Variants in KCNQ1 observed in about 807,000 individuals in gnomAD.
The protein encoded by KCNQ1 is potassium voltage-gated channel subfamily KQT member 1.
Under a neutral mutation model 72.4 loss-of-function variants are expected in KCNQ1, and 49 were observed. The observed-to-expected ratio is 0.68, with a 90% CI of 0.54 to 0.86. The LOEUF (loss-of-function observed/expected upper bound fraction) is 0.86. Among genes scored for constraint, KCNQ1 ranks in the 40% least tolerant of loss-of-function variants. KCNQ1 has a pLI of 0.00. For synonymous variants in KCNQ1, 450 were observed against 412.6 expected, an observed-to-expected ratio of 1.09 and a Z score of -1.10; for missense variants, 790 against 945.1, an observed-to-expected ratio of 0.84 and a Z score of 2.15.
At chr11:2,719,480 A>AAAAC (rs575635118) in intron 11 of KCNQ1, among the ~76,000 whole-genome samples, 15 of 151,880 alleles carry the variant, frequency 9.9e-5, no homozygotes, top group African/African-American at 3.4e-4. Flanking sequence ...CAGGCACTCA[A>AAAAC]AAACAAACAA....
chr11:2,729,529 G>A (rs1296308922), intron 11 of KCNQ1, among the ~76,000 whole-genome samples: 1 of 152,250 alleles, frequency 6.6e-6, no homozygotes, highest in Admixed American at 6.5e-5. Flanking sequence ...TGCATCCATG[G>A]ATTCAACCAA....
chr11:2,632,892 A>G (rs558470427), intron 10 of KCNQ1: 1 of 398,490 alleles, frequency 2.5e-6, no homozygotes, highest in Non-Finnish European at 4.4e-6. Flanking sequence ...GAATGCAAAT[A>G]TCTTTTTTAT....
In KCNQ1 at chr11:2,787,294, G is replaced by A. The variant is rs117059217; in HGVS notation, c.1794+9257G>A. On this transcript the variant is annotated intron_variant, in intron 15 of 15. Transcript: ENST00000155840. The surrounding 1 kb of genome is among the most constrained non-coding windows in gnomAD (Gnocchi z 6.3). ...CATTGGCCCTCACAATGAAAGCAGAGCCCTTTGAGGGTCCCAGCTTTGTGT... is the reference window on the plus strand; with the variant it reads ...CATTGGCCCTCACAATGAAAGCAGAACCCTTTGAGGGTCCCAGCTTTGTGT... Among the ~76,000 whole-genome samples, 2,558 of 152,256 alleles carry A rather than the reference G, an allele frequency of 0.017. 49 individuals are homozygous for A. The highest frequency in any genetic ancestry group is 0.037 in the Middle Eastern group (11 of 294).
intron 10 of KCNQ1, chr11:2,625,039 A>C (rs1351949188): frequency 2.5e-6 from 1 of 398,520 alleles, no homozygotes; most frequent in African/African-American, 2.1e-5. Flanking sequence ...ATGCCACTAC[A>C]ATCGTGGGTA....
rs979636348 is a variant in KCNQ1 at position 2,559,616 on chromosome 11, T to C, written c.478-11012T>C. ...CCCCATGACGACCCAGCAAGTCCCT[T>C]GCCTCTCTCGCTCACCAGGAAGAAG... On this transcript the variant is annotated intron_variant, in intron 2 of 15. Transcript: ENST00000155840. This position sits in a 1 kb window ranked among gnomAD's most constrained non-coding sequence, Gnocchi z 4.9. 2.6e-5 allele frequency among the ~76,000 whole-genome samples: 4 copies of C among 152,166 alleles called. No homozygotes were observed. The East Asian group carries it at 7.7e-4, about 29-fold the overall frequency.
intron 6 of KCNQ1, among the ~76,000 whole-genome samples, chr11:2,581,703 C>T (rs189469417): frequency 6.7e-4 from 102 of 152,368 alleles, no homozygotes; most frequent in African/African-American, 2.4e-3. Context: ...GTGCGTGTGC[C>T]GGGTCGTGTG....
chr11:2,829,998 G>GGGAGGAGGAAGGAGGAGGAA (rs1243212573), intron 15 of KCNQ1, among the ~76,000 whole-genome samples: 1 of 129,124 alleles, frequency 7.7e-6, no homozygotes, highest in Non-Finnish European at 1.6e-5. Flanking sequence ...GGAAGGAAGA[G>GGGAGGAGGAAGGAGGAGGAA]GGAGGAGGAA....
rs990925753 is a variant in KCNQ1 at position 2,734,138 on chromosome 11, C to T, written c.1515-34706C>T. On this transcript the variant is annotated intron_variant, in intron 11 of 15. Coordinates refer to ENST00000155840, the MANE Select transcript of KCNQ1 (RefSeq NM_000218.3). The surrounding 1 kb of genome is among the most constrained non-coding windows in gnomAD (Gnocchi z 7.0). ...AGCACTGGCAGGGGTGGTCCTGCTC[C>T]GGCCCCAGGGCCCGCAGGTGTGTGT... 5.3e-5 allele frequency among the ~76,000 whole-genome samples: 8 copies of T among 152,162 alleles called. No homozygotes were observed. The highest frequency in any genetic ancestry group is 8.8e-5 in the Non-Finnish European group (6 of 68,036).
chr11:2,569,522 T>C (rs1848295340), intron 2 of KCNQ1, among the ~76,000 whole-genome samples: 1 of 152,146 alleles, frequency 6.6e-6, no homozygotes, highest in Non-Finnish European at 1.5e-5. Context: ...GGGCCCGGCT[T>C]CTGAGGGAGG....
intron 10 of KCNQ1, chr11:2,649,505 A>G: frequency 2.5e-6 from 1 of 398,418 alleles, no homozygotes; most frequent in Non-Finnish European, 4.4e-6. Context: ...TGCTTGTCTG[A>G]GGGAGGCAAA....
chr11:2,708,765 C>T (rs541102728), intron 11 of KCNQ1, among the ~76,000 whole-genome samples: 21 of 152,232 alleles, frequency 1.4e-4, no homozygotes, highest in Non-Finnish European at 2.9e-4. Context: ...GGCCAATGGC[C>T]AGGGCTAAAG....
intron 10 of KCNQ1, chr11:2,655,316 C>T: frequency 2.5e-6 from 1 of 398,622 alleles, no homozygotes; most frequent in Non-Finnish European, 4.4e-6. Flanking sequence ...AGATCCTGGC[C>T]TTGACAAAGC....
chr11:2,789,046 C>T (rs149145), intron 15 of KCNQ1, among the ~76,000 whole-genome samples: 22,752 of 152,066 alleles, frequency 0.15, 1,756 homozygotes, highest in African/African-American at 0.17. Flanking sequence ...ACCGAGGCCC[C>T]GTACCCTCCC....
intron 15 of KCNQ1, among the ~76,000 whole-genome samples, chr11:2,789,913 A>C (rs1846985808): frequency 6.6e-6 from 1 of 151,988 alleles, no homozygotes. Context: ...CCCAATCCTA[A>C]CATCCTGTGA....
chr11:2,577,533 C>T (rs577258788), intron 6 of KCNQ1, among the ~76,000 whole-genome samples: 162 of 152,312 alleles, frequency 1.1e-3, no homozygotes, highest in African/African-American at 3.3e-3. Context: ...CTCCGGGCTT[C>T]GTGAGTGAGG....
intron 11 of KCNQ1, among the ~76,000 whole-genome samples, chr11:2,743,087 T>A (rs550604993): frequency 6.6e-6 from 1 of 152,304 alleles, no homozygotes; most frequent in South Asian, 2.1e-4. Context: ...CTGAGCAGGC[T>A]TTGATGAACA....
intron 11 of KCNQ1, among the ~76,000 whole-genome samples, chr11:2,741,978 C>T (rs1489868718): frequency 6.6e-6 from 1 of 152,256 alleles, no homozygotes; most frequent in African/African-American, 2.4e-5. Flanking sequence ...CGGGCTGCCG[C>T]CTTGTAACCC....
intron 10 of KCNQ1, chr11:2,629,589 T>G (rs1459509861): frequency 2.5e-6 from 1 of 398,526 alleles, no homozygotes; most frequent in South Asian, 1.3e-4. Flanking sequence ...GAAAAGAGAA[T>G]CCATTTGCCA....
rs72850203 is a variant in KCNQ1 at position 2,610,392 on chromosome 11, C to T, written c.1393+21538C>T. The T allele has an allele frequency of 0.01, 4,159 of 398,202 alleles. 37 individuals carry two copies. The highest frequency in any genetic ancestry group is 0.016 in the Non-Finnish European group (3,592 of 225,940). The allele number at this position is 398,202 out of a possible 1,614,324, so 24.7% of individuals were successfully genotyped here. ...ATCTTTAAAGAAGCTGAAAGGAGAGCAAGTATATATTTCTAGTTTCTGTTT... is the reference window on the plus strand; with the variant it reads ...ATCTTTAAAGAAGCTGAAAGGAGAGTAAGTATATATTTCTAGTTTCTGTTT... On this transcript the variant is annotated intron_variant, in intron 10 of 15. Transcript: ENST00000155840.
Sources: gnomAD v4.1 joint callset for allele counts (sites outside exome capture counted in the v4.1 genomes callset) on GRCh38, gnomAD v4.1.1 for gene constraint, Gnocchi (gnomAD v3.1) non-coding constraint, MANE v1.5 for transcripts, NCBI Gene and HGNC (gene_info 2026-07-23, HGNC 2026-07-21) for gene names.